The following CNTNAP2 variants were observed in gnomAD, a reference collection of about 807,000 sequenced individuals.
The protein encoded by CNTNAP2 is contactin associated protein 2, also known as contactin-associated protein-like 2.
In CNTNAP2, 98 loss-of-function variants were observed where a neutral mutation model predicts 155.2. The observed-to-expected ratio is 0.63, with a 90% CI of 0.54 to 0.75. CNTNAP2 has a LOEUF of 0.75. CNTNAP2 is among the 30% of genes least tolerant of loss of function. The pLI is 0.00. For missense variants in CNTNAP2, 1,727 were observed against 1,688.1 expected (o/e 1.02, Z -0.40); for synonymous variants, 651 against 631.2 (o/e 1.03, Z -0.47).
intron 3 of CNTNAP2, among the ~76,000 whole-genome samples, chr7:147,017,888 A>G (rs1445211425): frequency 6.6e-6 from 1 of 152,104 alleles, no homozygotes; most frequent in Non-Finnish European, 1.5e-5. Context: ...TCAATTAGAT[A>G]CAAAATTGGC....
chr7:146,668,428 C>T (rs76552433), intron 1 of CNTNAP2, among the ~76,000 whole-genome samples: 1 of 115,574 alleles, frequency 8.7e-6, no homozygotes, highest in South Asian at 3.7e-4. Flanking sequence ...TGTAATTTTC[C>T]TGTGTGTGTG....
At chr7:146,574,622 A>G (rs572097141) in intron 1 of CNTNAP2, among the ~76,000 whole-genome samples, 2 of 152,146 alleles carry the variant, frequency 1.3e-5, no homozygotes, top group East Asian at 3.9e-4. Flanking sequence ...AATTGCTTGA[A>G]CCTGGGAGGC....
intron 10 of CNTNAP2, among the ~76,000 whole-genome samples, chr7:147,403,709 A>C (rs1796956923): frequency 1.3e-5 from 2 of 152,116 alleles, no homozygotes; most frequent in South Asian, 4.1e-4. Context: ...TTAAATCCAC[A>C]TGTTTCTTAA....
At chr7:146,336,873 C>T (rs913984933) in intron 1 of CNTNAP2, among the ~76,000 whole-genome samples, 4 of 152,142 alleles carry the variant, frequency 2.6e-5, no homozygotes, top group African/African-American at 9.7e-5. Context: ...TCACAACCTT[C>T]TTGAAATAAA....
intron 3 of CNTNAP2, among the ~76,000 whole-genome samples, chr7:146,929,093 C>A (rs1182857287): frequency 1.3e-5 from 2 of 152,174 alleles, no homozygotes; most frequent in African/African-American, 4.8e-5. Flanking sequence ...AGTGGCTCTC[C>A]CAGCATGCAG....
intron 1 of CNTNAP2, among the ~76,000 whole-genome samples, chr7:146,457,416 A>G (rs1459146995): frequency 1.4e-5 from 2 of 146,446 alleles, no homozygotes; most frequent in African/African-American, 2.5e-5. Context: ...AAATGATTAT[A>G]TATTCATTTT....
At chr7:147,120,596 CATTTT>C (rs1479363964) in intron 5 of CNTNAP2, among the ~76,000 whole-genome samples, 1 of 151,826 alleles carries the variant, frequency 6.6e-6, no homozygotes, top group Non-Finnish European at 1.5e-5. Flanking sequence ...TTTACTATTA[CATTTT>C]ATTTTATTTA....
At chr7:148,074,963 A>AT (rs1803457823) in intron 15 of CNTNAP2, among the ~76,000 whole-genome samples, 1 of 152,170 alleles carries the variant, frequency 6.6e-6, no homozygotes, top group Non-Finnish European at 1.5e-5. Flanking sequence ...TAATTTTATC[A>AT]TTTTTTACAA....
intron 2 of CNTNAP2, among the ~76,000 whole-genome samples, chr7:146,805,404 T>C (rs1267102651): frequency 6.6e-6 from 1 of 152,228 alleles, no homozygotes; most frequent in Non-Finnish European, 1.5e-5. Flanking sequence ...GGGTTACAAA[T>C]GTGTAAAGCC....
intron 21 of CNTNAP2, among the ~76,000 whole-genome samples, chr7:148,364,200 C>T (rs373062174): frequency 1.6e-4 from 25 of 152,338 alleles, no homozygotes; most frequent in African/African-American, 4.3e-4. Context: ...TGTGAGCGCA[C>T]GGTGCAGGAC....
intron 1 of CNTNAP2, among the ~76,000 whole-genome samples, chr7:146,720,102 A>G (rs896629944): frequency 1.3e-5 from 2 of 151,448 alleles, no homozygotes; most frequent in Admixed American, 1.3e-4. Flanking sequence ...GTTTCTGTGG[A>G]CTCTTGTTTT....
chr7:146,591,677 A>G (rs1033457156), intron 1 of CNTNAP2, among the ~76,000 whole-genome samples: 1 of 152,130 alleles, frequency 6.6e-6, no homozygotes, highest in Non-Finnish European at 1.5e-5. Context: ...CTTTTTCCCA[A>G]TGCAATATTT....
At chr7:147,425,214 CAA>C (rs5888253) in intron 10 of CNTNAP2, among the ~76,000 whole-genome samples, 9,611 of 144,884 alleles carry the variant, frequency 0.066, 342 homozygotes, top group Non-Finnish European at 0.075. Flanking sequence ...TTCTAAACGA[CAA>C]AAAAAAAAAA....
chr7:148,335,915 A>C (rs184933759), intron 21 of CNTNAP2, among the ~76,000 whole-genome samples: 2 of 152,010 alleles, frequency 1.3e-5, no homozygotes, highest in African/African-American at 4.8e-5. Flanking sequence ...TGAAATTCCC[A>C]TATCTTTCAT....
intron 13 of CNTNAP2, among the ~76,000 whole-genome samples, chr7:147,683,681 A>T (rs571356185): frequency 7.1e-4 from 107 of 151,546 alleles, no homozygotes; most frequent in Admixed American, 4.0e-4. Context: ...CACATGCATT[A>T]TAATATTAAA....
intron 1 of CNTNAP2, among the ~76,000 whole-genome samples, chr7:146,254,141 A>G (rs1456857025): frequency 3.5e-5 from 5 of 142,178 alleles, no homozygotes; most frequent in Non-Finnish European, 7.4e-5. Flanking sequence ...ACACACACAC[A>G]CACACACACA....
At chr7:146,759,136 A>C (rs1251461141) in intron 1 of CNTNAP2, among the ~76,000 whole-genome samples, 1 of 152,138 alleles carries the variant, frequency 6.6e-6, no homozygotes, top group African/African-American at 2.4e-5. Context: ...TTAGAAATTA[A>C]ACATTATCAA....
At chr7:146,619,621 A>G (rs1799284766) in intron 1 of CNTNAP2, among the ~76,000 whole-genome samples, 1 of 152,196 alleles carries the variant, frequency 6.6e-6, no homozygotes, top group African/African-American at 2.4e-5. Context: ...TGTGACTATA[A>G]TAAATTATAA....
intron 1 of CNTNAP2, among the ~76,000 whole-genome samples, chr7:146,703,310 A>G (rs1224762835): frequency 1.3e-5 from 2 of 152,164 alleles, no homozygotes; most frequent in African/African-American, 4.8e-5. Context: ...GGTCAAGTGT[A>G]TGTCTCATGA....
Sources: gnomAD v4.1 joint callset for allele counts (sites outside exome capture counted in the v4.1 genomes callset) on GRCh38, gnomAD v4.1.1 for gene constraint, MANE v1.5 for transcripts, NCBI Gene and HGNC (gene_info 2026-07-23, HGNC 2026-07-21) for gene names.